The following WDHD1 variants were observed in gnomAD, a reference collection of about 807,000 sequenced individuals.
WDHD1 encodes WD repeat and HMG-box DNA binding protein 1.
Under a neutral mutation model 135.4 loss-of-function variants are expected in WDHD1, and 111 were observed. The ratio of observed to expected loss-of-function variants is 0.82; its 90% CI spans 0.70 to 0.96. The LOEUF (loss-of-function observed/expected upper bound fraction) is 0.96. Among genes scored for constraint, WDHD1 ranks in the 40% least tolerant of loss-of-function variants. WDHD1 has a pLI of 0.00. For missense variants in WDHD1, 1,351 were observed against 1,336.3 expected (o/e 1.01, Z -0.17); for synonymous variants, 434 against 439.0 (o/e 0.99, Z 0.14).
intron 21 of WDHD1, among the ~76,000 whole-genome samples, chr14:54,958,408 T>C (rs1301544621): frequency 6.6e-6 from 1 of 152,116 alleles, no homozygotes; most frequent in Non-Finnish European, 1.5e-5. Context: ...ATTACAAGCA[T>C]GAGCCACCAC....
chr14:54,977,848 G>C (rs1595086090), intron 16 of WDHD1, among the ~76,000 whole-genome samples: 2 of 149,530 alleles, frequency 1.3e-5, no homozygotes, highest in African/African-American at 4.9e-5. Context: ...TTTTTAACAA[G>C]TTAAAATTCT....
At chr14:54,970,271 A>T (rs1366106255) in intron 16 of WDHD1, among the ~76,000 whole-genome samples, 9 of 152,322 alleles carry the variant, frequency 5.9e-5, no homozygotes. Flanking sequence ...CTCTATACAT[A>T]GAATTGCTAA....
chr14:54,985,154 A>G (rs2041676774), intron 14 of WDHD1, among the ~76,000 whole-genome samples: 1 of 152,238 alleles, frequency 6.6e-6, no homozygotes, highest in East Asian at 1.9e-4. Flanking sequence ...AGCAATAAAC[A>G]AAGTCACCAC....
chr14:55,026,728 A>G lies in WDHD1; in HGVS notation c.60T>C (p.Cys20=). The G allele has an allele frequency of 2.5e-6, 4 of 1,614,262 alleles. No individual in the cohort carries two copies. In the South Asian group the frequency reaches 4.4e-5, roughly 18 times the overall value. Residue 20 remains cysteine (C), a synonymous_variant, in exon 2 of 26, where the codon TGT becomes TGC. Coordinates refer to ENST00000360586, the MANE Select transcript of WDHD1 (RefSeq NM_007086.4). ...YGHTEGHTEV[C]FDDSGSFIVT... ...AACCTTACCTCCCAGAATCATCAAAACAGACCTCCGTGTGTCCCTCTGTAT... is the reference window on the plus strand; with the variant it reads ...AACCTTACCTCCCAGAATCATCAAAGCAGACCTCCGTGTGTCCCTCTGTAT...
chr14:55,019,623 C>A (rs932858932), intron 2 of WDHD1, among the ~76,000 whole-genome samples: 3 of 152,138 alleles, frequency 2.0e-5, no homozygotes, highest in African/African-American at 7.2e-5. Flanking sequence ...AACCCCAGCA[C>A]TTTGGGAGGC....
chr14:55,014,772 TC>T (rs1421082663), intron 2 of WDHD1, among the ~76,000 whole-genome samples: 2 of 152,046 alleles, frequency 1.3e-5, no homozygotes, highest in African/African-American at 4.8e-5. Context: ...CTGTGGATGT[TC>T]AAAAGAAAAA....
chr14:55,003,790 C>A (rs1410170607), intron 7 of WDHD1, among the ~76,000 whole-genome samples: 3 of 152,048 alleles, frequency 2.0e-5, no homozygotes, highest in Non-Finnish European at 4.4e-5. Flanking sequence ...TCTCGAACTC[C>A]TGACCTCAGG....
At chr14:55,007,838 G>A (rs898162457) in intron 6 of WDHD1, among the ~76,000 whole-genome samples, 4 of 152,166 alleles carry the variant, frequency 2.6e-5, no homozygotes, top group African/African-American at 9.7e-5. Flanking sequence ...GAAATGCCAA[G>A]CCATCTTGGA....
chr14:54,950,427 T>C (rs1413616498), intron 24 of WDHD1, among the ~76,000 whole-genome samples: 4 of 151,950 alleles, frequency 2.6e-5, no homozygotes, highest in Non-Finnish European at 4.4e-5. Context: ...AGGGATCAAT[T>C]CAATTCAACA....
At chr14:55,002,246 A>G in intron 7 of WDHD1, 61 bp from the exon 8 acceptor site, 1 of 1,147,574 alleles carries the variant, frequency 8.7e-7, no homozygotes, top group Non-Finnish European at 1.3e-6. Flanking sequence ...TGAAGAAGGA[A>G]AAAGGCACAA....
intron 12 of WDHD1, among the ~76,000 whole-genome samples, chr14:54,989,902 GAC>G (rs1449234418): frequency 1.3e-5 from 2 of 152,044 alleles, no homozygotes; most frequent in East Asian, 3.9e-4. Flanking sequence ...ATCCTCAAGT[GAC>G]CAACCCACCT....
chr14:54,962,275 T>A (rs1188700459), intron 21 of WDHD1, among the ~76,000 whole-genome samples: 1 of 152,204 alleles, frequency 6.6e-6, no homozygotes, highest in Admixed American at 6.5e-5. Context: ...TTGACTTCTG[T>A]ATCCACCATT....
intron 23 of WDHD1, among the ~76,000 whole-genome samples, chr14:54,956,783 A>C (rs1456957074): frequency 6.6e-6 from 1 of 152,122 alleles, no homozygotes; most frequent in Non-Finnish European, 1.5e-5. Context: ...CAGATGGGGT[A>C]TCTCTTATGT....
intron 16 of WDHD1, among the ~76,000 whole-genome samples, chr14:54,979,263 CCT>C (rs2041578758): frequency 6.6e-6 from 1 of 151,894 alleles, no homozygotes; most frequent in South Asian, 2.1e-4. Flanking sequence ...GTGATCCTCC[CCT>C]CTTAGCCTCT....
chr14:55,021,406 C>T (rs1026865965), intron 2 of WDHD1, among the ~76,000 whole-genome samples: 4 of 150,988 alleles, frequency 2.6e-5, no homozygotes, highest in Non-Finnish European at 4.4e-5. Context: ...TATTAGCGTT[C>T]CTTTTTTTTT....
Position 54,945,865 on chromosome 14 carries a change from G to A in WDHD1, c.3051-1395C>T, listed in dbSNP as rs368213308. 5.9e-5 allele frequency among the ~76,000 whole-genome samples: 9 copies of A among 152,150 alleles called. No individual in the cohort carries two copies. The East Asian group carries it at 1.2e-3, about 20-fold the overall frequency. ...AGAGTCTCTTATGTTTAACCCAGCA[G>A]CTATACGCCCCTCACTAGGCTGAAC... On this transcript the variant is annotated intron_variant, in intron 24 of 25. Transcript: ENST00000360586.
chr14:54,968,344 T>C (rs1202350600), intron 16 of WDHD1, among the ~76,000 whole-genome samples: 3 of 152,048 alleles, frequency 2.0e-5, no homozygotes, highest in African/African-American at 7.2e-5. Context: ...TATCAAAATA[T>C]ATGGGATGCA....
intron 24 of WDHD1, among the ~76,000 whole-genome samples, chr14:54,954,296 A>G (rs959827197): frequency 5.3e-5 from 8 of 152,180 alleles, no homozygotes; most frequent in Admixed American, 2.6e-4. Flanking sequence ...CAGAAAAAAT[A>G]AATAAATACA....
chr14:54,946,025 G>A (rs889476948), intron 24 of WDHD1, among the ~76,000 whole-genome samples: 6 of 152,048 alleles, frequency 3.9e-5, no homozygotes, highest in African/African-American at 1.2e-4. Context: ...AACGTAAACC[G>A]ATTTCCAGAA....
Sources: gnomAD v4.1 joint callset for allele counts (sites outside exome capture counted in the v4.1 genomes callset) on GRCh38, gnomAD v4.1.1 for gene constraint, MANE v1.5 for transcripts, NCBI Gene and HGNC (gene_info 2026-07-23, HGNC 2026-07-21) for gene names.